The following ALOX15B variants were observed in gnomAD, a reference collection of about 807,000 sequenced individuals.
The protein encoded by ALOX15B is polyunsaturated fatty acid lipoxygenase ALOX15B.
ALOX15B carries 74 observed loss-of-function variants against 73.8 expected under a neutral mutation model. The observed-to-expected ratio is 1.00, with a 90% confidence interval of 0.83 to 1.22. ALOX15B has a LOEUF of 1.22. Among genes scored for constraint, ALOX15B ranks in the 50% most tolerant of loss-of-function variants. ALOX15B has a pLI of 0.00. For synonymous variants in ALOX15B, 353 were observed against 357.2 expected (o/e 0.99, Z 0.13); for missense variants, 896 against 859.9 (o/e 1.04, Z -0.52).
At chr17:8,048,236 G>T in intron 13 of ALOX15B, 150 bp from the exon 14 acceptor site, 2 of 907,106 alleles carry the variant, frequency 2.2e-6, no homozygotes, top group Non-Finnish European at 3.3e-6. Flanking sequence ...CATGGATCAG[G>T]CCCCATCGAG....
chr17:8,044,995 G>A lies in ALOX15B; in HGVS notation c.843G>A (p.Glu281=), dbSNP rs990713839. The A allele has an allele frequency of 1.2e-6, 2 of 1,614,136 alleles. No homozygotes were observed. The highest frequency in any genetic ancestry group is 1.7e-6 in the Non-Finnish European group (2 of 1,180,006). Residue 281 remains glutamate, a synonymous_variant, in exon 6 of 14, where the codon GAG becomes GAA. Transcript: ENST00000380183. ...VLGPGTSLQA[E]LEKGSLFLVD... ...GTCCTGGGACCAGCTTGCAGGCTGAGCTAGAGGTGAGGGGTGCAGGGATCT... is the reference window on the plus strand; with the variant it reads ...GTCCTGGGACCAGCTTGCAGGCTGAACTAGAGGTGAGGGGTGCAGGGATCT...
At chr17:8,039,696 G>A (rs1383672152) in intron 2 of ALOX15B, 91 bp downstream of exon 2, 6 of 1,319,728 alleles carry the variant, frequency 4.5e-6, no homozygotes, top group Admixed American at 4.9e-5. Context: ...AAATGGAGAG[G>A]TGAGCTGGTG....
At chr17:8,040,923 C>T (rs1259772533) in intron 3 of ALOX15B, among the ~76,000 whole-genome samples, 4 of 95,598 alleles carry the variant, frequency 4.2e-5, no homozygotes, top group Admixed American at 1.3e-4. Flanking sequence ...TGAGGATTCC[C>T]TTGGCACAAA....
Position 8,040,002 on chromosome 17 carries a change from AT to A in ALOX15B, c.449+20del. On this transcript the variant is annotated intron_variant, in intron 3 of 13. Transcript: ENST00000380183. ...TGTACCAGTGAGGAGGGGGTTACTGATGGGGGAGGGTGTGCCCAAACGATGA... is the reference window on the plus strand; with the variant it reads ...TGTACCAGTGAGGAGGGGGTTACTGAGGGGGAGGGTGTGCCCAAACGATGA... 2 of 1,606,156 alleles carry A rather than the reference AT, an allele frequency of 1.2e-6. No individual in the cohort carries two copies. The highest frequency in any genetic ancestry group is 1.7e-6 in the Non-Finnish European group (2 of 1,174,500).
Position 8,039,418 on chromosome 17 carries a change from C to T in ALOX15B, c.180C>T (p.Asp60=), listed in dbSNP as rs751307987. The change falls in exon 2 of 14, where the codon GAC becomes GAT. Residue 60 remains aspartate, a synonymous_variant. Transcript: ENST00000380183. ...ACTTCCAGGTGACGCTCCCGGAGGA[C>T]GTAGGCCGAGTGCTGCTGCTGCGCG... The part of the protein sequence containing the change: ...EEDFQVTLPE[D]VGRVLLLRVH... 4 of 1,612,956 alleles carry T rather than the reference C, an allele frequency of 2.5e-6. No individual in the cohort carries two copies. The highest frequency in any genetic ancestry group is 2.5e-6 in the Non-Finnish European group (3 of 1,179,630).
In ALOX15B at chr17:8,047,554, C is replaced by T. The variant is rs893204201; in HGVS notation, c.1580-10C>T. ...CTGGAAGCCCCATCCCAGCCCAGCTCTCCTTGCAGGTATACCCTCCTCACT... is the reference window on the plus strand; with the variant it reads ...CTGGAAGCCCCATCCCAGCCCAGCTTTCCTTGCAGGTATACCCTCCTCACT... On this transcript the variant is annotated splice_polypyrimidine_tract_variant and intron_variant, in intron 11 of 13. Coordinates refer to ENST00000380183, the MANE Select transcript of ALOX15B (RefSeq NM_001141.3). The T allele has an allele frequency of 6.3e-7, 1 of 1,593,178 alleles. No individual in the cohort carries two copies. Among genetic ancestry groups the T allele is most frequent in the Non-Finnish European group, 8.6e-7 (1 of 1,169,416 alleles).
Position 8,045,035 on chromosome 17 carries a change from C to A in ALOX15B, c.849+34C>A, listed in dbSNP as rs776167391. On this transcript the variant is annotated intron_variant, in intron 6 of 13. Transcript: ENST00000380183. ...TGCAGGGATCTTGGCTCTGCACAGT[C>A]CCATCTCAGTGCCTTCACACCCGTC... is the stretch of plus-strand genomic sequence containing the variant. 3 of 1,611,728 alleles carry A rather than the reference C, an allele frequency of 1.9e-6. No homozygotes were observed. In the East Asian group the frequency reaches 6.7e-5, roughly 36 times the overall value.
chr17:8,045,771 T>G lies in ALOX15B; in HGVS notation c.1200+85T>G, dbSNP rs897506532. ...GCCTTTCCTCACATGGCCCTATCCATGCAAGCTGGGATGCAGAGCCCCCGT... is the reference window on the plus strand; with the variant it reads ...GCCTTTCCTCACATGGCCCTATCCAGGCAAGCTGGGATGCAGAGCCCCCGT... On this transcript the variant is annotated intron_variant, in intron 8 of 13. Transcript: ENST00000380183. 5 of 1,450,976 alleles carry G rather than the reference T, an allele frequency of 3.4e-6. No individual in the cohort carries two copies. In the African/African-American group the frequency reaches 7.0e-5, roughly 20 times the overall value. 89.9% of individuals were successfully genotyped at this position (1,450,976 alleles called of 1,614,324 possible).
chr17:8,047,151 G>A (rs1976632168), intron 10 of ALOX15B, 75 bp downstream of exon 10: 2 of 1,607,902 alleles, frequency 1.2e-6, no homozygotes, highest in Admixed American at 1.7e-5. Flanking sequence ...GAGGCCCCAG[G>A]GAGGCTCACG....
chr17:8,042,744 C>T (rs1464426829), intron 4 of ALOX15B, 37 bp from the exon 5 acceptor site: 1 of 1,522,668 alleles, frequency 6.6e-7, no homozygotes, highest in Non-Finnish European at 8.9e-7. Context: ...CTCCCAGGGC[C>T]TCCTCCCCAC....
intron 12 of ALOX15B, 35 bp from the exon 13 acceptor site, chr17:8,047,710 G>A (rs1341865685): frequency 1.2e-6 from 2 of 1,613,826 alleles, no homozygotes; most frequent in Non-Finnish European, 1.7e-6. Flanking sequence ...AGGTGACCCA[G>A]CTCCTCAGCC....
intron 13 of ALOX15B, 44 bp downstream of exon 13, chr17:8,047,959 G>A: frequency 6.3e-7 from 1 of 1,599,490 alleles, no homozygotes; most frequent in Non-Finnish European, 8.5e-7. Flanking sequence ...ATTGGGGTAA[G>A]AGAGGGTGTG....
chr17:8,041,643 A>G (rs1976466049), intron 3 of ALOX15B, among the ~76,000 whole-genome samples: 1 of 152,252 alleles, frequency 6.6e-6, no homozygotes, highest in Admixed American at 6.5e-5. Context: ...TCAAAGAATG[A>G]ATGAGTGAGA....
Position 8,039,430 on chromosome 17 carries a change from G to C in ALOX15B, c.192G>C (p.Val64=). The C allele has an allele frequency of 6.2e-7, 1 of 1,611,898 alleles. No homozygotes were observed. Among genetic ancestry groups the C allele is most frequent in the Non-Finnish European group, 8.5e-7 (1 of 1,179,328 alleles). The part of the protein sequence containing the change: ...QVTLPEDVGR[V]LLLRVHKAPP... Reference sequence around the variant, plus strand: ...CGCTCCCGGAGGACGTAGGCCGAGTGCTGCTGCTGCGCGTGCACAAGGCGC... The same window carrying C: ...CGCTCCCGGAGGACGTAGGCCGAGTCCTGCTGCTGCGCGTGCACAAGGCGC... The change falls in exon 2 of 14, where the codon GTG becomes GTC. Residue 64 remains valine, a synonymous_variant. Transcript: ENST00000380183.
At position 8,039,167 on chromosome 17, in the gene ALOX15B, C is replaced by T; in HGVS notation, c.12C>T (p.Phe4=). 6.2e-7 allele frequency: 1 copy of T among 1,613,126 alleles called. No homozygotes were observed. Among genetic ancestry groups the T allele is most frequent in the Non-Finnish European group, 8.5e-7 (1 of 1,179,616 alleles). ...CTTAGGCTGGCAGCATGGCCGAGTT[C>T]AGGGTCAGGGTGTCCACCGGAGAAG... MAE[F]RVRVSTGEAF... Residue 4 remains phenylalanine, a synonymous_variant, in exon 1 of 14, where the codon TTC becomes TTT. Transcript: ENST00000380183.
At chr17:8,046,596 C>A in intron 8 of ALOX15B, 72 bp from the exon 9 acceptor site, 1 of 1,474,226 alleles carries the variant, frequency 6.8e-7, no homozygotes, top group Non-Finnish European at 9.3e-7. Flanking sequence ...AGGGCTGGTG[C>A]CTGTGTGGGG....
In ALOX15B at chr17:8,039,410, C is replaced by T. The variant is rs758265025; in HGVS notation, c.172C>T (p.Pro58Ser). 1 of 1,613,008 alleles carries T rather than the reference C, an allele frequency of 6.2e-7. No homozygotes were observed. The highest frequency in any genetic ancestry group is 8.5e-7 in the Non-Finnish European group (1 of 1,179,544). ...GAEEDFQVTLPEDVGRVLLLR... is the reference protein window; with the variant it reads ...GAEEDFQVTLSEDVGRVLLLR... ...GGAGGAGGACTTCCAGGTGACGCTCCCGGAGGACGTAGGCCGAGTGCTGCT... is the reference window on the plus strand; with the variant it reads ...GGAGGAGGACTTCCAGGTGACGCTCTCGGAGGACGTAGGCCGAGTGCTGCT... The change falls in exon 2 of 14, where the codon CCG (proline) becomes TCG (serine). Residue 58 changes from proline to serine, a missense_variant. Pro to Ser is a moderately conservative substitution (Grantham distance 74). Transcript: ENST00000380183.
intron 3 of ALOX15B, among the ~76,000 whole-genome samples, chr17:8,040,681 G>A (rs1976441964): frequency 6.7e-6 from 1 of 148,884 alleles, no homozygotes. Flanking sequence ...TGCTTTAAAT[G>A]CCTTACCTTT....
intron 3 of ALOX15B, 73 bp from the exon 4 acceptor site, chr17:8,042,296 T>C (rs1976483327): frequency 3.2e-6 from 5 of 1,571,362 alleles, no homozygotes. Flanking sequence ...CCAAGGGGAC[T>C]GCCACTCCAT....
Sources: gnomAD v4.1 joint callset for allele counts (sites outside exome capture counted in the v4.1 genomes callset) on GRCh38, gnomAD v4.1.1 for gene constraint, MANE v1.5 for transcripts, NCBI Gene and HGNC (gene_info 2026-07-23, HGNC 2026-07-21) for gene names.